L3MBTL4: variants seen among roughly 807,000 people sequenced by gnomAD.
L3MBTL4 encodes L3MBTL histone methyl-lysine binding protein 4.
A neutral mutation model predicts 84.5 loss-of-function variants in L3MBTL4; 70 were observed. That is an observed-to-expected ratio of 0.83 (90% CI 0.68 to 1.01). The LOEUF (loss-of-function observed/expected upper bound fraction) is 1.01. Among genes scored for constraint, L3MBTL4 ranks in the 50% least tolerant of loss-of-function variants. The pLI, the probability that L3MBTL4 is intolerant of heterozygous loss-of-function variation, is 0.00. For synonymous variants in L3MBTL4, 274 were observed against 259.8 expected, an observed-to-expected ratio of 1.05 and a Z score of -0.52; for missense variants, 715 against 754.8, an observed-to-expected ratio of 0.95 and a Z score of 0.62.
chr18:6,091,148 A>G (rs2058443422), intron 15 of L3MBTL4, among the ~76,000 whole-genome samples: 1 of 152,216 alleles, frequency 6.6e-6, no homozygotes, highest in Non-Finnish European at 1.5e-5. Context: ...CAGTACTACA[A>G]GTAAGCTGTG....
intron 13 of L3MBTL4, among the ~76,000 whole-genome samples, chr18:6,143,773 A>C (rs1429520758): frequency 6.6e-6 from 1 of 152,066 alleles, no homozygotes; most frequent in East Asian, 1.9e-4. Flanking sequence ...GTCTCCCTTC[A>C]CTAGAGTGAG....
intron 14 of L3MBTL4, among the ~76,000 whole-genome samples, chr18:6,133,640 G>A (rs751528904): frequency 5.9e-5 from 9 of 152,180 alleles, no homozygotes; most frequent in Admixed American, 1.3e-4. Context: ...TGAGCAGGGC[G>A]GGAAAGGCCC....
rs571818353 is a variant in L3MBTL4 at position 6,346,282 on chromosome 18, A to G, written c.-90-34226T>C. Among the ~76,000 whole-genome samples, 3 of 151,972 alleles carry G rather than the reference A, an allele frequency of 2.0e-5. No individual in the cohort carries two copies. The East Asian group carries it at 5.8e-4, about 29-fold the overall frequency. The stretch of plus-strand genomic sequence containing the variant: ...AAGTGTCTTCACATTGGTCTTGACA[A>G]TGATTTTTTTGGATTTGACACTGAA... On this transcript the variant is annotated intron_variant, in intron 1 of 18. Coordinates refer to ENST00000317931, the MANE Select transcript of L3MBTL4 (RefSeq NM_001330559.2).
At chr18:6,028,820 T>C (rs1024194548) in intron 16 of L3MBTL4, among the ~76,000 whole-genome samples, 13 of 152,308 alleles carry the variant, frequency 8.5e-5, no homozygotes, top group African/African-American at 1.2e-4. Context: ...CTAGTGTTTA[T>C]ACTAATGAGA....
chr18:6,021,128 G>T (rs1334851795), intron 16 of L3MBTL4, among the ~76,000 whole-genome samples: 1 of 152,140 alleles, frequency 6.6e-6, no homozygotes, highest in Non-Finnish European at 1.5e-5. Context: ...GCTTTTCCAC[G>T]GTCAAGTAAG....
Position 6,138,248 on chromosome 18 carries a change from G to C in L3MBTL4, c.1145C>G (p.Pro382Arg), listed in dbSNP as rs570726377. ...ILPGQAVCPT[P>R]GCRGIGHIRG... ...GATATGGCCTATTCCTCGGCACCCG[G>C]GAGTAGGACAGACAGCTTGACCTGG... Residue 382 changes from proline (P) to arginine (R), a missense_variant, in exon 14 of 19, where the codon CCC (proline) becomes CGC (arginine). By Grantham distance (103) the Pro-to-Arg change is moderately radical. Coordinates refer to ENST00000317931, the MANE Select transcript of L3MBTL4 (RefSeq NM_001330559.2). The C allele has an allele frequency of 2.1e-4, 346 of 1,613,442 alleles. 4 individuals carry two copies. The South Asian group carries it at 3.6e-3, about 17-fold the overall frequency.
chr18:6,108,310 A>C (rs1330259331), intron 14 of L3MBTL4, among the ~76,000 whole-genome samples: 1 of 152,202 alleles, frequency 6.6e-6, no homozygotes, highest in African/African-American at 2.4e-5. Flanking sequence ...GAGGGGAAAT[A>C]ATATTCAAAA....
intron 1 of L3MBTL4, among the ~76,000 whole-genome samples, chr18:6,360,000 C>G (rs1212473066): frequency 6.6e-6 from 1 of 152,134 alleles, no homozygotes; most frequent in African/African-American, 2.4e-5. Flanking sequence ...TAACAACAAG[C>G]TGGCAAGTAA....
At chr18:6,290,014 G>C (rs576400217) in intron 4 of L3MBTL4, among the ~76,000 whole-genome samples, 1 of 152,188 alleles carries the variant, frequency 6.6e-6, no homozygotes, top group South Asian at 2.1e-4. Context: ...TCAACCTCTT[G>C]AGCTCAAGGA....
chr18:6,179,013 T>A (rs2044348011), intron 12 of L3MBTL4, among the ~76,000 whole-genome samples: 1 of 152,192 alleles, frequency 6.6e-6, no homozygotes, highest in Non-Finnish European at 1.5e-5. Context: ...AAGACAGTAA[T>A]CACATCTTCT....
chr18:6,348,830 A>G (rs987198110), intron 1 of L3MBTL4, among the ~76,000 whole-genome samples: 3 of 152,202 alleles, frequency 2.0e-5, no homozygotes, highest in African/African-American at 7.2e-5. Flanking sequence ...CATCCAGAAA[A>G]TATCAAGAAA....
rs527719748 is a variant in L3MBTL4 at position 6,232,491 on chromosome 18, A to G, written c.784+5473T>C. Among the ~76,000 whole-genome samples the G allele has an allele frequency of 4.6e-5, 7 of 152,222 alleles. No homozygotes were observed. In the South Asian group the frequency reaches 1.2e-3, roughly 27 times the overall value. On this transcript the variant is annotated intron_variant, in intron 10 of 18. Transcript: ENST00000317931. The stretch of plus-strand genomic sequence containing the variant: ...GTTCTTAAAATGTTTGCTAGAATTC[A>G]CTAGTCAAGCCTAGGGCTTTTCTTT...
chr18:6,185,981 T>TTTA (rs2044728552), intron 12 of L3MBTL4, among the ~76,000 whole-genome samples: 1 of 147,694 alleles, frequency 6.8e-6, no homozygotes, highest in African/African-American at 2.6e-5. Flanking sequence ...TTTATTTTAT[T>TTTA]TTATTTTATT....
At chr18:6,004,937 C>T (rs899436713) in intron 16 of L3MBTL4, among the ~76,000 whole-genome samples, 2 of 129,934 alleles carry the variant, frequency 1.5e-5, no homozygotes, top group African/African-American at 2.8e-5. Context: ...GCTGGTCTCA[C>T]AACAACAAAA....
intron 4 of L3MBTL4, among the ~76,000 whole-genome samples, chr18:6,275,207 C>T (rs1035731934): frequency 1.3e-5 from 2 of 152,004 alleles, no homozygotes; most frequent in Non-Finnish European, 2.9e-5. Context: ...GCCTAGTGAC[C>T]TGCAGCATTT....
At chr18:5,970,290 A>T (rs2052575832) in intron 16 of L3MBTL4, among the ~76,000 whole-genome samples, 1 of 152,256 alleles carries the variant, frequency 6.6e-6, no homozygotes, top group Non-Finnish European at 1.5e-5. Flanking sequence ...GTTATAAAGT[A>T]CAAAGGACAA....
intron 15 of L3MBTL4, among the ~76,000 whole-genome samples, chr18:6,088,000 A>T (rs1205045328): frequency 6.6e-6 from 1 of 152,276 alleles, no homozygotes; most frequent in Non-Finnish European, 1.5e-5. Context: ...TACACTAAAG[A>T]TCTATAATGT....
intron 16 of L3MBTL4, among the ~76,000 whole-genome samples, chr18:5,999,725 T>C (rs2054132596): frequency 6.6e-6 from 1 of 152,194 alleles, no homozygotes; most frequent in Non-Finnish European, 1.5e-5. Context: ...GCAACTGTGA[T>C]TGGCTAGAAG....
intron 15 of L3MBTL4, among the ~76,000 whole-genome samples, chr18:6,082,708 G>T (rs1327434607): frequency 6.6e-6 from 1 of 152,102 alleles, no homozygotes; most frequent in Non-Finnish European, 1.5e-5. Context: ...ACTTTTATGG[G>T]TATTTTAAAA....
Sources: gnomAD v4.1 joint callset for allele counts (sites outside exome capture counted in the v4.1 genomes callset) on GRCh38, gnomAD v4.1.1 for gene constraint, MANE v1.5 for transcripts, NCBI Gene and HGNC (gene_info 2026-07-23, HGNC 2026-07-21) for gene names.